The following CCDC88C variants were observed in gnomAD, a reference collection of about 807,000 sequenced individuals.
The protein encoded by CCDC88C is coiled-coil and HOOK domain protein 88C.
Under a neutral mutation model 198.8 loss-of-function variants are expected in CCDC88C, and 131 were observed. That is an observed-to-expected ratio of 0.66 (90% confidence interval 0.57 to 0.76). CCDC88C has a LOEUF of 0.76. Ranked by LOEUF, CCDC88C falls within the 30% of genes least tolerant of loss-of-function variation. The pLI, the probability that CCDC88C is intolerant of heterozygous loss-of-function variation, is 0.00. For synonymous variants in CCDC88C, 1,166 were observed against 1,114.7 expected (o/e 1.05, Z -0.92); for missense variants, 2,553 against 2,631.6 (o/e 0.97, Z 0.65).
intron 2 of CCDC88C, among the ~76,000 whole-genome samples, chr14:91,413,706 G>A (rs1213102963): frequency 2.0e-5 from 3 of 152,180 alleles, no homozygotes; most frequent in East Asian, 3.8e-4. Flanking sequence ...ATGTCACCAG[G>A]AGACCAGGGC....
At chr14:91,341,826 G>A (rs970931690) in intron 6 of CCDC88C, among the ~76,000 whole-genome samples, 3 of 152,242 alleles carry the variant, frequency 2.0e-5, no homozygotes, top group Admixed American at 6.5e-5. Flanking sequence ...CCTCCACTCC[G>A]CTGACGCTCA....
chr14:91,333,093 C>T (rs560284059), intron 10 of CCDC88C, among the ~76,000 whole-genome samples: 3 of 152,336 alleles, frequency 2.0e-5, no homozygotes, highest in South Asian at 2.1e-4. Flanking sequence ...GAGAGACACA[C>T]GCAGATGTGT....
At chr14:91,393,874 A>C (rs1261739085) in intron 3 of CCDC88C, among the ~76,000 whole-genome samples, 2 of 152,232 alleles carry the variant, frequency 1.3e-5, no homozygotes, top group Non-Finnish European at 2.9e-5. Context: ...AATCAACTTC[A>C]TGAGCTCTAC....
chr14:91,391,946 G>T (rs769907064), intron 3 of CCDC88C, among the ~76,000 whole-genome samples: 2 of 151,454 alleles, frequency 1.3e-5, no homozygotes, highest in Non-Finnish European at 2.9e-5. Flanking sequence ...TTGCTCTGTC[G>T]CCCAGGCTGG....
At chr14:91,300,120 G>C (rs1311488345) in intron 20 of CCDC88C, 50 bp from the exon 21 acceptor site, 4 of 1,579,250 alleles carry the variant, frequency 2.5e-6, no homozygotes, top group Non-Finnish European at 3.4e-6. Flanking sequence ...CTTCTTTTCC[G>C]ACAGGTAACT....
intron 3 of CCDC88C, among the ~76,000 whole-genome samples, chr14:91,393,584 T>G (rs1035404260): frequency 6.6e-6 from 1 of 152,226 alleles, no homozygotes; most frequent in Admixed American, 6.5e-5. Flanking sequence ...CAACGCTTCC[T>G]TCTTCTGGCA....
chr14:91,300,842 C>T (rs946110081), intron 20 of CCDC88C, among the ~76,000 whole-genome samples: 10 of 152,172 alleles, frequency 6.6e-5, no homozygotes, highest in Admixed American at 1.3e-4. Flanking sequence ...CGTGTGTTCA[C>T]GGGTGACCCA....
intron 17 of CCDC88C, among the ~76,000 whole-genome samples, chr14:91,307,545 G>A (rs2139790179): frequency 6.6e-6 from 1 of 152,370 alleles, no homozygotes; most frequent in South Asian, 2.1e-4. Flanking sequence ...AGGTGAGGCT[G>A]AGGATACAGG....
At chr14:91,291,852 A>C (rs1029546250) in intron 23 of CCDC88C, among the ~76,000 whole-genome samples, 5 of 152,156 alleles carry the variant, frequency 3.3e-5, no homozygotes, top group Non-Finnish European at 7.4e-5. Context: ...GGGCTCAGGC[A>C]CCTCTGCTTA....
At chr14:91,414,571 AC>A (rs1666826733) in intron 2 of CCDC88C, among the ~76,000 whole-genome samples, 1 of 152,126 alleles carries the variant, frequency 6.6e-6, no homozygotes, top group South Asian at 2.1e-4. Context: ...AATCCTCACC[AC>A]TTCCAGACAC....
At chr14:91,359,856 A>T in intron 3 of CCDC88C, 145 bp from the exon 4 acceptor site, 1 of 700,816 alleles carries the variant, frequency 1.4e-6, no homozygotes, top group South Asian at 1.6e-5. Context: ...GACAGCAAGG[A>T]GCACGTAAGA....
chr14:91,304,605 A>T (rs1446534759), intron 19 of CCDC88C, among the ~76,000 whole-genome samples: 1 of 152,090 alleles, frequency 6.6e-6, no homozygotes. Context: ...TGAAAACAGA[A>T]CCTATTTTCT....
In CCDC88C at chr14:91,273,915, C is replaced by T. The variant is rs1889850519; in HGVS notation, c.5059-262G>A. On this transcript the variant is annotated intron_variant, in intron 29 of 29. Coordinates refer to ENST00000389857, the MANE Select transcript of CCDC88C (RefSeq NM_001080414.4). The surrounding 1 kb of genome is among the most constrained non-coding windows in gnomAD (Gnocchi z 5.6). ...CCCCCTAACTTTACAGATAAGGAAA[C>T]AGACCCAGAGAGGGAAATGACTTCC... Among the ~76,000 whole-genome samples, 1 of 152,118 alleles carries T rather than the reference C, an allele frequency of 6.6e-6. No homozygotes were observed. The highest frequency in any genetic ancestry group is 2.4e-5 in the African/African-American group (1 of 41,406).
At chr14:91,372,538 C>T (rs867971860) in intron 3 of CCDC88C, among the ~76,000 whole-genome samples, 5 of 14,818 alleles carry the variant, frequency 3.4e-4, no homozygotes, top group South Asian at 1.2e-3. Flanking sequence ...CGGGGGGGGG[C>T]GGGCGGGGGG....
intron 3 of CCDC88C, among the ~76,000 whole-genome samples, chr14:91,383,514 C>T (rs1283746520): frequency 1.3e-5 from 2 of 152,170 alleles, no homozygotes; most frequent in African/African-American, 4.8e-5. Context: ...AAGTGGGGAG[C>T]CAGGGACACT....
chr14:91,320,490 A>G (rs1449222148), intron 13 of CCDC88C, among the ~76,000 whole-genome samples: 1 of 152,224 alleles, frequency 6.6e-6, no homozygotes, highest in Non-Finnish European at 1.5e-5. Context: ...ACTTTGTAAT[A>G]AACAAGGAAT....
In CCDC88C at chr14:91,381,381, A is replaced by T. The variant is rs1489775833; in HGVS notation, c.271-21670T>A. ...TGGGGAGGAATTTTTTGGGTTTAGG[A>T]TGTGATCTTCTCTATATTCTCTATG... is the stretch of plus-strand genomic sequence containing the variant. On this transcript the variant is annotated intron_variant, in intron 3 of 29. Transcript: ENST00000389857. This position sits in a 1 kb window ranked among gnomAD's most constrained non-coding sequence, Gnocchi z 4.2. Among the ~76,000 whole-genome samples the T allele has an allele frequency of 1.3e-5, 2 of 152,154 alleles. No homozygotes were observed. The highest frequency in any genetic ancestry group is 4.8e-5 in the African/African-American group (2 of 41,420).
Position 91,371,934 on chromosome 14 carries a change from G to C in CCDC88C, c.271-12223C>G, listed in dbSNP as rs1894823599. On this transcript the variant is annotated intron_variant, in intron 3 of 29. Transcript: ENST00000389857. The surrounding 1 kb of genome is among the most constrained non-coding windows in gnomAD (Gnocchi z 4.2). The stretch of plus-strand genomic sequence containing the variant: ...ATGGCAGCCCAGACCACCCCAGCCT[G>C]CTGGGACCTGTGAGGGTGGGAAAGG... Among the ~76,000 whole-genome samples, 1 of 152,208 alleles carries C rather than the reference G, an allele frequency of 6.6e-6. No homozygotes were observed. Among genetic ancestry groups the C allele is most frequent in the Admixed American group, 6.5e-5 (1 of 15,292 alleles).
chr14:91,328,573 G>C (rs1432386091), intron 10 of CCDC88C, among the ~76,000 whole-genome samples: 3 of 152,206 alleles, frequency 2.0e-5, no homozygotes, highest in Non-Finnish European at 2.9e-5. Context: ...CTGAGGGCTA[G>C]TTCAGGAGGC....
Sources: allele counts gnomAD v4.1 joint callset (sites outside exome capture counted in the v4.1 genomes callset), GRCh38; gene constraint gnomAD v4.1.1; non-coding constraint Gnocchi (gnomAD v3.1); transcripts MANE v1.5; gene names NCBI Gene and HGNC (gene_info 2026-07-23, HGNC 2026-07-21).